Variants in CTNNA2 observed in about 807,000 individuals in gnomAD.
CTNNA2 encodes catenin alpha 2.
Under a neutral mutation model 101.0 loss-of-function variants are expected in CTNNA2, and 42 were observed. The ratio of observed to expected loss-of-function variants is 0.42; its 90% CI spans 0.32 to 0.54. The LOEUF is 0.54. CTNNA2 is among the 20% of genes least tolerant of loss of function. The probability of loss-of-function intolerance (pLI) is 0.14; values close to 1 mark genes in which losing one functional copy is unlikely to be tolerated. For missense variants in CTNNA2, 871 were observed against 1,223.1 expected, an observed-to-expected ratio of 0.71 and a Z score of 4.29; for synonymous variants, 450 against 456.4, an observed-to-expected ratio of 0.99 and a Z score of 0.18.
chr2:80,244,239 G>A (rs1430013494), intron 7 of CTNNA2, among the ~76,000 whole-genome samples: 1 of 152,194 alleles, frequency 6.6e-6, no homozygotes, highest in African/African-American at 2.4e-5. Flanking sequence ...CATATGCTTT[G>A]TCTTTCTTTT....
intron 9 of CTNNA2, among the ~76,000 whole-genome samples, chr2:80,480,039 A>C (rs1686029695): frequency 6.6e-6 from 1 of 152,158 alleles, no homozygotes; most frequent in South Asian, 2.1e-4. Context: ...TAACATTTTC[A>C]CTACTTTTCC....
At chr2:79,361,063 A>G (rs13011795) in intron 3 of CTNNA2, among the ~76,000 whole-genome samples, 61,823 of 151,934 alleles carry the variant, frequency 0.41, 12,988 homozygotes, top group East Asian at 0.6. Context: ...CACTTTACCC[A>G]GACACAGGAC....
chr2:80,329,416 G>T (rs1283933684), intron 7 of CTNNA2, among the ~76,000 whole-genome samples: 1 of 152,178 alleles, frequency 6.6e-6, no homozygotes, highest in Non-Finnish European at 1.5e-5. Context: ...GCACCAGGTT[G>T]CTCTCATTTT....
In CTNNA2 at chr2:80,454,943, TC is replaced by T. The variant is rs535428554; in HGVS notation, c.1290+35343del. 5.1e-3 allele frequency among the ~76,000 whole-genome samples: 782 copies of T among 152,340 alleles called. 6 individuals are homozygous for T. Among genetic ancestry groups the T allele is most frequent in the African/African-American group, 0.018 (755 of 41,584 alleles). ...AAAACAAGGAAGCTGTGAAATCATATCAGAGAATCAGAGCTCAGTCCCTTCT... is the reference window on the plus strand; with the variant it reads ...AAAACAAGGAAGCTGTGAAATCATATAGAGAATCAGAGCTCAGTCCCTTCT... On this transcript the variant is annotated intron_variant, in intron 9 of 18. Coordinates refer to ENST00000402739, the MANE Select transcript of CTNNA2 (RefSeq NM_001282597.3).
rs145654494 is a variant in CTNNA2 at position 79,206,085 on chromosome 2, AT to A, written c.-406+8010del. Reference sequence around the variant, plus strand: ...GCAATAAAAGTGGCACGTCTGCTGTATATGTGATTTTTAGCATTTTTGTTCA... The same window carrying A: ...GCAATAAAAGTGGCACGTCTGCTGTAATGTGATTTTTAGCATTTTTGTTCA... On this transcript the variant is annotated intron_variant, in intron 2 of 21. Transcript: ENST00000466387. Among the ~76,000 whole-genome samples, 160 of 152,270 alleles carry A rather than the reference AT, an allele frequency of 1.1e-3. 2 individuals carry two copies. The East Asian group carries it at 0.026, about 25-fold the overall frequency.
At chr2:79,906,929 A>G (rs1263158822) in intron 6 of CTNNA2, among the ~76,000 whole-genome samples, 4 of 152,204 alleles carry the variant, frequency 2.6e-5, no homozygotes, top group Non-Finnish European at 2.9e-5. Flanking sequence ...TCAAAACATT[A>G]TATCTCTAAG....
chr2:79,895,109 A>G (rs1243090399), intron 6 of CTNNA2, among the ~76,000 whole-genome samples: 1 of 152,180 alleles, frequency 6.6e-6, no homozygotes, highest in Non-Finnish European at 1.5e-5. Context: ...AAAATCTATT[A>G]TATATAATTT....
At chr2:80,084,910 A>G (rs1187638891) in intron 7 of CTNNA2, among the ~76,000 whole-genome samples, 1 of 152,116 alleles carries the variant, frequency 6.6e-6, no homozygotes, top group Non-Finnish European at 1.5e-5. Context: ...AACTATGACG[A>G]ACAAAAGGAA....
chr2:80,056,649 C>T (rs1360603831), intron 7 of CTNNA2, among the ~76,000 whole-genome samples: 1 of 152,184 alleles, frequency 6.6e-6, no homozygotes, highest in Non-Finnish European at 1.5e-5. Context: ...TATTCCTGTA[C>T]ATTTTGCTTT....
rs536486262 is a variant in CTNNA2, at chr2:79,230,990, G to A, written c.-406+32914G>A. Among the ~76,000 whole-genome samples, 8 of 152,338 alleles carry A rather than the reference G, an allele frequency of 5.3e-5. No individual in the cohort carries two copies. The East Asian group carries it at 1.2e-3, about 22-fold the overall frequency. On this transcript the variant is annotated intron_variant, in intron 2 of 21. Transcript: ENST00000466387. The stretch of plus-strand genomic sequence containing the variant: ...CCTGTACTACCATGGTATCTAGGAA[G>A]TAACTGACTTGCTTTTAATTTTACA...
chr2:80,640,670 T>A (rs1213647018), intron 18 of CTNNA2, among the ~76,000 whole-genome samples: 1 of 152,196 alleles, frequency 6.6e-6, no homozygotes, highest in Non-Finnish European at 1.5e-5. Context: ...GCCTCATGGA[T>A]TTTTAAAACA....
chr2:79,203,318 G>A (rs1311062350), intron 2 of CTNNA2, among the ~76,000 whole-genome samples: 2 of 152,036 alleles, frequency 1.3e-5, no homozygotes, highest in Non-Finnish European at 2.9e-5. Context: ...TCAGAAAATG[G>A]CAAAATCATG....
At chr2:79,187,152 T>G (rs2104151273) in intron 1 of CTNNA2, among the ~76,000 whole-genome samples, 1 of 152,194 alleles carries the variant, frequency 6.6e-6, no homozygotes, top group African/African-American at 2.4e-5. Flanking sequence ...GTGTCTGATA[T>G]ATCCATAAAT....
At chr2:79,571,750 C>G (rs905640661) in intron 1 of CTNNA2, among the ~76,000 whole-genome samples, 2 of 152,188 alleles carry the variant, frequency 1.3e-5, no homozygotes, top group Non-Finnish European at 2.9e-5. Flanking sequence ...CTTCACCTTT[C>G]AGCTTCCTCA....
chr2:79,687,583 G>A (rs1684020349), intron 2 of CTNNA2: 2 of 704,104 alleles, frequency 2.8e-6, no homozygotes, highest in Non-Finnish European at 2.6e-6. Context: ...TTTTCCACCG[G>A]ATATTTCAAA....
chr2:79,431,450 T>A (rs982672797), intron 4 of CTNNA2, among the ~76,000 whole-genome samples: 1 of 152,058 alleles, frequency 6.6e-6, no homozygotes, highest in African/African-American at 2.4e-5. Context: ...AAATCTAGAC[T>A]AAAAGGGCAC....
intron 4 of CTNNA2, among the ~76,000 whole-genome samples, chr2:79,487,925 G>T (rs2104562027): frequency 6.6e-6 from 1 of 152,292 alleles, no homozygotes; most frequent in South Asian, 2.1e-4. Flanking sequence ...TCTTCAGAAT[G>T]AATCAGAAAG....
At chr2:79,812,292 C>T (rs531349569) in intron 3 of CTNNA2, among the ~76,000 whole-genome samples, 1 of 152,222 alleles carries the variant, frequency 6.6e-6, no homozygotes, top group African/African-American at 2.4e-5. Context: ...TGGTTAAGTG[C>T]AGTCATCCTT....
At chr2:80,299,519 A>C (rs1676055108) in intron 7 of CTNNA2, 2 of 152,194 alleles carry the variant, frequency 1.3e-5, no homozygotes, top group Non-Finnish European at 2.9e-5. Context: ...ATAGCTTTCT[A>C]TGGTCATCAT....
Sources: gnomAD v4.1 joint callset for allele counts (sites outside exome capture counted in the v4.1 genomes callset) on GRCh38, gnomAD v4.1.1 for gene constraint, MANE v1.5 for transcripts, NCBI Gene and HGNC (gene_info 2026-07-23, HGNC 2026-07-21) for gene names.